The following ACOXL variants were observed in gnomAD, a reference collection of about 807,000 sequenced individuals.
ACOXL encodes the protein acyl-coenzyme A oxidase-like protein.
Under a neutral mutation model 71.9 loss-of-function variants are expected in ACOXL, and 70 were observed. That is an observed-to-expected ratio of 0.97 (90% CI 0.80 to 1.19). The LOEUF is 1.19. ACOXL is among the 50% of genes most tolerant of loss of function. The pLI is 0.00. For missense variants in ACOXL, 703 were observed against 736.3 expected, an observed-to-expected ratio of 0.95 and a Z score of 0.52; for synonymous variants, 253 against 281.6, an observed-to-expected ratio of 0.90 and a Z score of 1.02.
chr2:110,924,148 G>T (rs1020312473), intron 11 of ACOXL, among the ~76,000 whole-genome samples: 1 of 152,052 alleles, frequency 6.6e-6, no homozygotes, highest in African/African-American at 2.4e-5. Flanking sequence ...ATATACATAC[G>T]TCTGTTAAAA....
At chr2:110,860,677 C>A (rs562629467) in intron 10 of ACOXL, among the ~76,000 whole-genome samples, 2 of 152,316 alleles carry the variant, frequency 1.3e-5, no homozygotes, top group African/African-American at 4.8e-5. Flanking sequence ...TACCCAAGAG[C>A]CTTCCTTTCT....
intron 10 of ACOXL, among the ~76,000 whole-genome samples, chr2:110,854,951 T>A (rs1337482584): frequency 1.3e-5 from 2 of 152,226 alleles, no homozygotes; most frequent in African/African-American, 4.8e-5. Flanking sequence ...ACTCTTGCTT[T>A]AAGAAACTGT....
rs564538460 is a variant in ACOXL, at chr2:110,975,405, T to C, written c.1060-11703T>C. 8.7e-4 allele frequency among the ~76,000 whole-genome samples: 105 copies of C among 120,282 alleles called. 1 individual carries two copies. Among genetic ancestry groups the C allele is most frequent in the Non-Finnish European group, 1.3e-3 (78 of 59,316 alleles). The allele number at this position is 120,282 out of a possible 152,430, so 78.9% of individuals were successfully genotyped here. On this transcript the variant is annotated intron_variant, in intron 12 of 17. Coordinates refer to ENST00000439055, the MANE Select transcript of ACOXL (RefSeq NM_001142807.4). ...TTCTCTTTTTTACCGTCTATGCATATGTTTGTGTGAGTGTGTGTGTGTGTG... is the reference window on the plus strand; with the variant it reads ...TTCTCTTTTTTACCGTCTATGCATACGTTTGTGTGAGTGTGTGTGTGTGTG...
chr2:110,774,120 G>A (rs954239816), intron 2 of ACOXL, among the ~76,000 whole-genome samples: 7 of 152,084 alleles, frequency 4.6e-5, no homozygotes, highest in Non-Finnish European at 5.9e-5. Context: ...ATTATTTCTC[G>A]CTACCTTTTG....
intron 13 of ACOXL, among the ~76,000 whole-genome samples, chr2:110,994,373 T>A (rs1178765662): frequency 1.3e-5 from 2 of 152,186 alleles, no homozygotes; most frequent in Non-Finnish European, 2.9e-5. Context: ...GCACTTGGCA[T>A]CTCAAAAGCA....
At chr2:110,900,170 C>A (rs1300285907) in intron 10 of ACOXL, among the ~76,000 whole-genome samples, 1 of 151,206 alleles carries the variant, frequency 6.6e-6, no homozygotes, top group African/African-American at 2.4e-5. Context: ...TGTTTTCTTC[C>A]CTCTCAGCAA....
At chr2:111,083,614 C>T (rs1265351984) in intron 16 of ACOXL, among the ~76,000 whole-genome samples, 1 of 151,784 alleles carries the variant, frequency 6.6e-6, no homozygotes, top group East Asian at 1.9e-4. Context: ...TATGACTGAC[C>T]TCAGCTCCTC....
intron 14 of ACOXL, among the ~76,000 whole-genome samples, chr2:111,001,506 G>A (rs1210740905): frequency 6.6e-6 from 1 of 152,210 alleles, no homozygotes; most frequent in African/African-American, 2.4e-5. Context: ...GGAGCCAAGG[G>A]TCACAGAGAA....
chr2:111,073,241 GAA>G (rs2067426002), intron 16 of ACOXL, among the ~76,000 whole-genome samples: 1 of 152,148 alleles, frequency 6.6e-6, no homozygotes, highest in Non-Finnish European at 1.5e-5. Flanking sequence ...CTTTTGCAGA[GAA>G]AAGTTTTTTA....
chr2:110,882,444 T>A (rs1696779589), intron 10 of ACOXL, among the ~76,000 whole-genome samples: 1 of 152,188 alleles, frequency 6.6e-6, no homozygotes, highest in South Asian at 2.1e-4. Context: ...AATAGTGTTT[T>A]TCAAAGGGCA....
At chr2:110,770,260 G>A (rs1681728092) in intron 2 of ACOXL, among the ~76,000 whole-genome samples, 3 of 152,174 alleles carry the variant, frequency 2.0e-5, no homozygotes, top group Admixed American at 6.5e-5. Flanking sequence ...CCACAGGGGC[G>A]CCTTTCTTTG....
At chr2:111,019,688 T>A (rs1328297021) in intron 14 of ACOXL, among the ~76,000 whole-genome samples, 1 of 152,014 alleles carries the variant, frequency 6.6e-6, no homozygotes, top group Non-Finnish European at 1.5e-5. Flanking sequence ...GTCTTTGGGG[T>A]CTGTTTATAT....
chr2:111,110,063 C>T (rs888746261), intron 17 of ACOXL, among the ~76,000 whole-genome samples: 3 of 152,122 alleles, frequency 2.0e-5, no homozygotes, highest in Admixed American at 6.5e-5. Context: ...ATCTCTAAGT[C>T]GGCTACTGAT....
intron 16 of ACOXL, among the ~76,000 whole-genome samples, chr2:111,092,433 A>T (rs749789152): frequency 1.3e-4 from 20 of 152,246 alleles, no homozygotes; most frequent in Non-Finnish European, 2.2e-4. Flanking sequence ...GTGAAAGTTT[A>T]CCCAAACCAT....
intron 11 of ACOXL, among the ~76,000 whole-genome samples, chr2:110,926,621 A>G (rs925618364): frequency 1.3e-5 from 2 of 152,212 alleles, no homozygotes; most frequent in Non-Finnish European, 2.9e-5. Flanking sequence ...ATATTTGAAC[A>G]TGCTTAGATT....
chr2:110,969,641 T>C (rs912972503), intron 12 of ACOXL, among the ~76,000 whole-genome samples: 11 of 152,078 alleles, frequency 7.2e-5, no homozygotes, highest in African/African-American at 2.4e-4. Flanking sequence ...TAAAACCCCA[T>C]CTCTACTAAA....
At position 110,851,854 on chromosome 2, in the gene ACOXL, A is replaced by G. The variant is rs138918377; in HGVS notation, c.788+10449A>G. 7.1e-3 allele frequency among the ~76,000 whole-genome samples: 1,086 copies of G among 152,348 alleles called. 11 individuals carry two copies. Among genetic ancestry groups the G allele is most frequent in the African/African-American group, 0.025 (1,054 of 41,580 alleles). ...CGGGAAATGGGGGGCAGCTGTTTCC[A>G]GACCTCACCAGTGAGAAAGGCGCTC... is the stretch of plus-strand genomic sequence containing the variant. On this transcript the variant is annotated intron_variant, in intron 10 of 17. Transcript: ENST00000439055.
chr2:110,874,426 G>T (rs998016699), intron 10 of ACOXL, among the ~76,000 whole-genome samples: 1 of 152,200 alleles, frequency 6.6e-6, no homozygotes. Context: ...AGGCTGGAGG[G>T]CGAAGCAAGG....
At chr2:110,818,880 C>G (rs991461286) in intron 9 of ACOXL, among the ~76,000 whole-genome samples, 1 of 64,728 alleles carries the variant, frequency 1.5e-5, no homozygotes, top group Non-Finnish European at 5.0e-5. Context: ...CAAAGCTGAC[C>G]TGGCTGCGAT....
Sources: allele counts gnomAD v4.1 joint callset (sites outside exome capture counted in the v4.1 genomes callset), GRCh38; gene constraint gnomAD v4.1.1; transcripts MANE v1.5; gene names NCBI Gene and HGNC (gene_info 2026-07-23, HGNC 2026-07-21).